Variants in SIDT1 observed in about 807,000 individuals in gnomAD.
SIDT1 encodes the protein SID1 transmembrane family, member 1.
In SIDT1, 101 loss-of-function variants were observed where a neutral mutation model predicts 107.5. The ratio of observed to expected loss-of-function variants is 0.94; its 90% CI spans 0.80 to 1.11. The LOEUF is 1.11. Among genes scored for constraint, SIDT1 ranks in the 50% least tolerant of loss-of-function variants. The pLI is 0.00. For synonymous variants in SIDT1, 395 were observed against 398.2 expected (o/e 0.99, Z 0.10); for missense variants, 1,076 against 1,058.2 (o/e 1.02, Z -0.23).
intron 1 of SIDT1, among the ~76,000 whole-genome samples, chr3:113,557,695 C>T (rs972177397): frequency 3.3e-5 from 5 of 152,212 alleles, no homozygotes; most frequent in African/African-American, 7.2e-5. Flanking sequence ...CAGCTAACAC[C>T]TTGATTCCAG....
chr3:113,633,960 G>A (rs571140239), downstream of SIDT1, among the ~76,000 whole-genome samples: 17 of 152,290 alleles, frequency 1.1e-4, no homozygotes, highest in African/African-American at 3.9e-4. Context: ...CCTGTCGGAC[G>A]CCTACAGCCT....
At chr3:113,567,968 G>T in intron 3 of SIDT1, 1 of 369,708 alleles carries the variant, frequency 2.7e-6, no homozygotes, top group Non-Finnish European at 4.8e-6. Context: ...AACCTGTCCA[G>T]CCTGAAGTAT....
chr3:113,560,691 A>G (rs2107718018), intron 1 of SIDT1, among the ~76,000 whole-genome samples: 1 of 152,372 alleles, frequency 6.6e-6, no homozygotes, highest in South Asian at 2.1e-4. Context: ...GTATTGAATA[A>G]TGGAAATCAA....
At chr3:113,623,802 C>A (rs1483968117) in intron 23 of SIDT1, 69 bp downstream of exon 23, 6 of 1,007,828 alleles carry the variant, frequency 6.0e-6, no homozygotes, top group Non-Finnish European at 9.4e-6. Flanking sequence ...CTTTCTACCT[C>A]CCTCTCTTAA....
intron 9 of SIDT1, among the ~76,000 whole-genome samples, chr3:113,587,412 C>T (rs1943820832): frequency 6.6e-6 from 1 of 152,110 alleles, no homozygotes; most frequent in Admixed American, 6.6e-5. Flanking sequence ...GAATATTATA[C>T]CTGGAAAGTA....
intron 3 of SIDT1, among the ~76,000 whole-genome samples, chr3:113,574,656 T>A (rs1036038539): frequency 2.0e-5 from 3 of 151,870 alleles, no homozygotes; most frequent in Non-Finnish European, 2.9e-5. Flanking sequence ...CATGGGCCCC[T>A]TTCTGCCTCT....
intron 1 of SIDT1, among the ~76,000 whole-genome samples, chr3:113,534,997 G>A (rs1937946644): frequency 6.6e-6 from 1 of 152,196 alleles, no homozygotes; most frequent in Non-Finnish European, 1.5e-5. Flanking sequence ...TATAAGCCAG[G>A]CATGATGGCT....
At chr3:113,594,822 A>G (rs1944422371) in intron 10 of SIDT1, 1 of 154,236 alleles carries the variant, frequency 6.5e-6, no homozygotes, top group Admixed American at 6.5e-5. Context: ...AGAGACTCCT[A>G]GCTCTGGAAG....
intron 10 of SIDT1, among the ~76,000 whole-genome samples, chr3:113,600,078 G>C (rs1944851015): frequency 6.6e-6 from 1 of 152,128 alleles, no homozygotes; most frequent in Non-Finnish European, 1.5e-5. Context: ...GAGAGGCCAA[G>C]GCAAGCTGAT....
intron 24 of SIDT1, 108 bp downstream of exon 24, chr3:113,626,323 T>C (rs1291529039): frequency 8.7e-6 from 6 of 688,352 alleles, no homozygotes; most frequent in Non-Finnish European, 1.5e-5. Context: ...TAATTTTACT[T>C]TCCATTTCCT....
At chr3:113,633,777 G>C (rs768362986), downstream of SIDT1, among the ~76,000 whole-genome samples, 6 of 152,196 alleles carry the variant, frequency 3.9e-5, no homozygotes, top group Non-Finnish European at 8.8e-5. Context: ...TTGGGGACGG[G>C]GGACTAAAGG....
intron 20 of SIDT1, among the ~76,000 whole-genome samples, chr3:113,617,695 A>C (rs1009047277): frequency 1.3e-5 from 2 of 152,212 alleles, no homozygotes; most frequent in African/African-American, 4.8e-5. Flanking sequence ...TACCTGTGAA[A>C]CAGGAGAGGC....
intron 4 of SIDT1, among the ~76,000 whole-genome samples, chr3:113,577,745 T>C (rs1251474364): frequency 2.0e-5 from 3 of 152,246 alleles, no homozygotes; most frequent in Non-Finnish European, 4.4e-5. Context: ...CATAAATAGC[T>C]ACTTAGGTTT....
At chr3:113,607,583 T>C (rs1249276981) in intron 15 of SIDT1, among the ~76,000 whole-genome samples, 2 of 152,248 alleles carry the variant, frequency 1.3e-5, no homozygotes, top group African/African-American at 4.8e-5. Flanking sequence ...CTTGGTGACG[T>C]GGAAGAAGCA....
Position 113,581,375 on chromosome 3 carries a change from T to C in SIDT1, c.678T>C (p.Asp226=). 6.2e-7 allele frequency: 1 copy of C among 1,613,652 alleles called. No homozygotes were observed. The highest frequency in any genetic ancestry group is 8.5e-7 in the Non-Finnish European group (1 of 1,179,790). ...SVQNIMCPVY[D]LDHNVEFNGV... ...GCATGCTGCAGTGCCCGGTGTATGA[T>C]CTCGACCACAATGTGGAATTTAATG... Residue 226 remains aspartate, a synonymous_variant, in exon 6 of 25, where the codon GAT becomes GAC. Transcript: ENST00000264852.
At chr3:113,591,243 G>T (rs1055418452) in intron 9 of SIDT1, among the ~76,000 whole-genome samples, 3 of 152,092 alleles carry the variant, frequency 2.0e-5, no homozygotes, top group African/African-American at 7.2e-5. Flanking sequence ...GCCATATAAG[G>T]CACATTTTGG....
chr3:113,576,844 A>C, intron 3 of SIDT1, 78 bp from the exon 4 acceptor site: 1 of 1,459,814 alleles, frequency 6.9e-7, no homozygotes, highest in African/African-American at 1.4e-5. Flanking sequence ...GCTTTCTTTT[A>C]AATAAATAAT....
intron 16 of SIDT1, 31 bp downstream of exon 16, chr3:113,608,248 G>A (rs1159385094): frequency 6.4e-7 from 1 of 1,563,218 alleles, no homozygotes; most frequent in South Asian, 1.2e-5. Context: ...AGCTAGGAAG[G>A]GTTATGGATC....
intron 20 of SIDT1, among the ~76,000 whole-genome samples, chr3:113,619,143 A>G (rs1231444143): frequency 2.0e-5 from 3 of 152,168 alleles, no homozygotes; most frequent in Admixed American, 6.5e-5. Context: ...TTTAAAATTG[A>G]CCTTTTCTCC....
Sources: gnomAD v4.1 joint callset for allele counts (sites outside exome capture counted in the v4.1 genomes callset) on GRCh38, gnomAD v4.1.1 for gene constraint, MANE v1.5 for transcripts, NCBI Gene and HGNC (gene_info 2026-07-23, HGNC 2026-07-21) for gene names.